Variants in AXDND1 observed in about 807,000 individuals in gnomAD.
The protein encoded by AXDND1 is axonemal dynein light chain domain-containing protein 1.
AXDND1 carries 110 observed loss-of-function variants against 137.5 expected under a neutral mutation model. The ratio of observed to expected loss-of-function variants is 0.80; its 90% CI spans 0.69 to 0.94. The LOEUF (loss-of-function observed/expected upper bound fraction) is 0.94, where lower values mean the gene tolerates loss of function less well. Ranked by LOEUF, AXDND1 falls within the 40% of genes least tolerant of loss-of-function variation. The probability of loss-of-function intolerance (pLI) is 0.00; values close to 1 mark genes in which losing one functional copy is unlikely to be tolerated. For synonymous variants in AXDND1, 414 were observed against 399.7 expected, an observed-to-expected ratio of 1.04 and a Z score of -0.43; for missense variants, 1,191 against 1,169.8, an observed-to-expected ratio of 1.02 and a Z score of -0.26.
At chr1:179,419,223 G>A (rs980598043) in intron 12 of AXDND1, among the ~76,000 whole-genome samples, 2 of 151,916 alleles carry the variant, frequency 1.3e-5, no homozygotes, top group African/African-American at 4.8e-5. Context: ...GTGGCAGCCG[G>A]GCAGAGGCTG....
At position 179,367,382 on chromosome 1, in the gene AXDND1, G is replaced by A. The variant is rs574863645; in HGVS notation, c.97+776G>A. Among the ~76,000 whole-genome samples, 16 of 152,238 alleles carry A rather than the reference G, an allele frequency of 1.1e-4. 1 individual carries two copies. In the South Asian group the frequency reaches 3.3e-3, roughly 32 times the overall value. On this transcript the variant is annotated intron_variant, in intron 2 of 25. Coordinates refer to ENST00000367618, the MANE Select transcript of AXDND1 (RefSeq NM_144696.6). ...TACAAAAATTAGGGGGGGCGTGGTG[G>A]CTCGTGCCTGTAGTCCCAGCTACTC...
At chr1:179,418,571 C>T (rs1012698422) in intron 12 of AXDND1, among the ~76,000 whole-genome samples, 11 of 151,732 alleles carry the variant, frequency 7.2e-5, no homozygotes, top group African/African-American at 2.7e-4. Flanking sequence ...GGCGGCCGGG[C>T]AGAGGCACCC....
chr1:179,505,647 CAAAAAAA>C (rs796584155), intron 20 of AXDND1, among the ~76,000 whole-genome samples: 1 of 111,480 alleles, frequency 9.0e-6, no homozygotes, highest in Admixed American at 9.7e-5. Context: ...AACTCCATCT[CAAAAAAA>C]AAAAAAGAAA....
chr1:179,540,750 G>A (rs988648860), intron 25 of AXDND1, among the ~76,000 whole-genome samples: 3 of 152,214 alleles, frequency 2.0e-5, no homozygotes, highest in African/African-American at 7.2e-5. Flanking sequence ...TCTCTTCAGA[G>A]CTGTCAGGCA....
intron 3 of AXDND1, among the ~76,000 whole-genome samples, chr1:179,369,609 G>T (rs900789472): frequency 1.3e-5 from 2 of 151,822 alleles, no homozygotes; most frequent in African/African-American, 4.8e-5. Flanking sequence ...CCGAGATTGC[G>T]CCATTGCCCT....
At chr1:179,552,777 T>C in intron 25 of AXDND1, 1 of 920,142 alleles carries the variant, frequency 1.1e-6, no homozygotes, top group Non-Finnish European at 1.8e-6. Flanking sequence ...TGCTGTCTCA[T>C]GATGAGTAGC....
intron 15 of AXDND1, among the ~76,000 whole-genome samples, chr1:179,433,965 T>C (rs1238426185): frequency 4.1e-5 from 2 of 49,296 alleles, no homozygotes; most frequent in Admixed American, 2.6e-4. Flanking sequence ...TGTTAAAGTC[T>C]CCCACTACTA....
intron 12 of AXDND1, among the ~76,000 whole-genome samples, chr1:179,419,369 C>T (rs143342673): frequency 0.28 from 42,677 of 150,956 alleles, 6,279 homozygotes; most frequent in Non-Finnish European, 0.31. Flanking sequence ...CCCGGCACCT[C>T]GGGAGGCCAA....
intron 25 of AXDND1, among the ~76,000 whole-genome samples, chr1:179,547,897 C>T (rs114993777): frequency 6.6e-6 from 1 of 152,100 alleles, no homozygotes; most frequent in South Asian, 2.1e-4. Context: ...TCCAAACAGT[C>T]AAACCCAGGC....
At chr1:179,493,088 AT>A (rs1382160242) in intron 20 of AXDND1, 137 bp downstream of exon 20, 7 of 543,232 alleles carry the variant, frequency 1.3e-5, no homozygotes, top group Non-Finnish European at 2.2e-5. Flanking sequence ...GCATATACTC[AT>A]AAAAACAATT....
chr1:179,381,923 G>C (rs1648389799), intron 6 of AXDND1, among the ~76,000 whole-genome samples: 1 of 148,978 alleles, frequency 6.7e-6, no homozygotes, highest in African/African-American at 2.5e-5. Flanking sequence ...TGGGATTACA[G>C]GCACGCGCCA....
chr1:179,534,497 T>G (rs891718022), intron 24 of AXDND1: 1 of 388,796 alleles, frequency 2.6e-6, no homozygotes, highest in Non-Finnish European at 4.4e-6. Context: ...CAGATTTTAC[T>G]AAGAAGTGAT....
chr1:179,434,909 T>C (rs1004173099), intron 15 of AXDND1, among the ~76,000 whole-genome samples: 1 of 152,154 alleles, frequency 6.6e-6, no homozygotes, highest in Non-Finnish European at 1.5e-5. Flanking sequence ...ATTATCTCTG[T>C]TTGCAGTTGA....
intron 16 of AXDND1, chr1:179,452,998 A>G (rs1362274858): frequency 6.6e-6 from 1 of 152,270 alleles, no homozygotes; most frequent in Non-Finnish European, 1.5e-5. Context: ...AGGGGCCAAC[A>G]TAGAGCTCAG....
intron 21 of AXDND1, 38 bp from the exon 22 acceptor site, chr1:179,525,296 T>C (rs1474126880): frequency 6.4e-7 from 1 of 1,563,614 alleles, no homozygotes; most frequent in African/African-American, 1.4e-5. Flanking sequence ...CTAATATTTA[T>C]ATACACCCTT....
intron 16 of AXDND1, among the ~76,000 whole-genome samples, chr1:179,462,975 T>C (rs925473344): frequency 6.6e-6 from 1 of 152,180 alleles, no homozygotes; most frequent in African/African-American, 2.4e-5. Flanking sequence ...GATATCCCCT[T>C]TATCATTTTT....
intron 21 of AXDND1, among the ~76,000 whole-genome samples, chr1:179,511,890 GC>G (rs2125647156): frequency 6.6e-6 from 1 of 151,886 alleles, no homozygotes; most frequent in South Asian, 2.1e-4. Flanking sequence ...CATGTCCTTA[GC>G]CCACTTTTTG....
At chr1:179,414,588 G>C (rs1300394505) in intron 12 of AXDND1, among the ~76,000 whole-genome samples, 1 of 152,024 alleles carries the variant, frequency 6.6e-6, no homozygotes, top group African/African-American at 2.4e-5. Flanking sequence ...ACCTCGCCTG[G>C]CTAATTTTTT....
At chr1:179,506,327 T>C (rs72704451) in intron 20 of AXDND1, among the ~76,000 whole-genome samples, 6,958 of 152,242 alleles carry the variant, frequency 0.046, 239 homozygotes, top group Non-Finnish European at 0.069. Flanking sequence ...GACCAGCACC[T>C]GACAGTGCTG....
Sources: gnomAD v4.1 joint callset for allele counts (sites outside exome capture counted in the v4.1 genomes callset) on GRCh38, gnomAD v4.1.1 for gene constraint, MANE v1.5 for transcripts, NCBI Gene and HGNC (gene_info 2026-07-23, HGNC 2026-07-21) for gene names.